NFIA: variants seen among roughly 807,000 people sequenced by gnomAD.
NFIA encodes nuclear factor I A, also known as nuclear factor 1 A-type.
In NFIA, 8 loss-of-function variants were observed where a neutral mutation model predicts 62.8. The observed-to-expected ratio is 0.13, with a 90% confidence interval of 0.07 to 0.23. NFIA has a LOEUF of 0.23. Among genes scored for constraint, NFIA ranks in the 10% least tolerant of loss-of-function variants. NFIA has a pLI of 1.00. For synonymous variants in NFIA, 235 were observed against 238.1 expected (o/e 0.99, Z 0.12); for missense variants, 410 against 642.1 (o/e 0.64, Z 3.91).
chr1:61,103,023 G>C (rs924609510), intron 2 of NFIA, among the ~76,000 whole-genome samples: 5 of 152,212 alleles, frequency 3.3e-5, no homozygotes, highest in African/African-American at 1.2e-4. Flanking sequence ...GTTCTTATTT[G>C]TAATCAAAAC....
intron 2 of NFIA, among the ~76,000 whole-genome samples, chr1:61,212,947 G>A (rs781476708): frequency 2.0e-5 from 3 of 152,168 alleles, no homozygotes; most frequent in Non-Finnish European, 4.4e-5. Flanking sequence ...CTGTGGCCTG[G>A]TCACCATTAG....
At chr1:61,170,494 T>C (rs1649878906) in intron 2 of NFIA, among the ~76,000 whole-genome samples, 1 of 152,170 alleles carries the variant, frequency 6.6e-6, no homozygotes. Flanking sequence ...TGGGAGGTGC[T>C]CACAGTCGAG....
intron 2 of NFIA, among the ~76,000 whole-genome samples, chr1:61,139,146 C>G (rs1647313745): frequency 6.6e-6 from 1 of 152,142 alleles, no homozygotes; most frequent in Non-Finnish European, 1.5e-5. Context: ...TCACTGCACT[C>G]CAGCCTGGGC....
intron 2 of NFIA, among the ~76,000 whole-genome samples, chr1:61,187,787 G>A (rs1330512546): frequency 6.6e-6 from 1 of 152,186 alleles, no homozygotes; most frequent in African/African-American, 2.4e-5. Flanking sequence ...ACTGTTTAAA[G>A]TCCTGTCCCT....
chr1:61,112,172 G>A (rs1646705234), intron 2 of NFIA, among the ~76,000 whole-genome samples: 1 of 150,844 alleles, frequency 6.6e-6, no homozygotes, highest in African/African-American at 2.4e-5. Context: ...GGCAGCTTAA[G>A]TATGTCTTTA....
chr1:61,176,103 T>C (rs1193598262), intron 2 of NFIA, among the ~76,000 whole-genome samples: 2 of 152,146 alleles, frequency 1.3e-5, no homozygotes, highest in Non-Finnish European at 2.9e-5. Flanking sequence ...GAACAGGGTG[T>C]GTTCCAGCAG....
intron 2 of NFIA, among the ~76,000 whole-genome samples, chr1:61,126,741 T>A (rs1211535547): frequency 2.0e-5 from 3 of 150,998 alleles, no homozygotes; most frequent in Non-Finnish European, 4.4e-5. Flanking sequence ...TATGTGAATT[T>A]TTCTGGAAAA....
intron 3 of NFIA, among the ~76,000 whole-genome samples, chr1:61,316,272 T>G (rs879451473): frequency 2.0e-5 from 3 of 152,142 alleles, no homozygotes; most frequent in Non-Finnish European, 4.4e-5. Context: ...AAGGGGCATT[T>G]CAAAAGAATT....
intron 2 of NFIA, among the ~76,000 whole-genome samples, chr1:61,238,931 A>G (rs1655165577): frequency 6.6e-6 from 1 of 152,142 alleles, no homozygotes. Context: ...CAATTTTTAT[A>G]CCATTTAGTT....
chr1:61,273,926 GT>G (rs1377597249), intron 2 of NFIA, among the ~76,000 whole-genome samples: 1 of 152,142 alleles, frequency 6.6e-6, no homozygotes, highest in Non-Finnish European at 1.5e-5. Context: ...ATACTAACAT[GT>G]TTTTGTCATT....
intron 2 of NFIA, among the ~76,000 whole-genome samples, chr1:61,106,540 G>A (rs1174924461): frequency 1.3e-5 from 2 of 151,738 alleles, no homozygotes; most frequent in East Asian, 1.9e-4. Context: ...GATCGTGTTA[G>A]TAAAATAATT....
At position 61,411,569 on chromosome 1, in the gene NFIA, C is replaced by G. The variant is rs116774651; in HGVS notation, c.1420+4842C>G. Among the ~76,000 whole-genome samples, 663 of 152,084 alleles carry G rather than the reference C, an allele frequency of 4.4e-3. 8 individuals are homozygous for G. The highest frequency in any genetic ancestry group is 0.015 in the African/African-American group (633 of 41,492). On this transcript the variant is annotated intron_variant, in intron 9 of 10. Transcript: ENST00000403491. Reference sequence around the variant, plus strand: ...TTGAGCATCAGCTGTGTGCCAAGCACTCTTCTTGGTGCTAGGATTCAGCAG... The same window carrying G: ...TTGAGCATCAGCTGTGTGCCAAGCAGTCTTCTTGGTGCTAGGATTCAGCAG...
At chr1:61,416,064 G>A (rs1389003751) in intron 9 of NFIA, among the ~76,000 whole-genome samples, 1 of 152,098 alleles carries the variant, frequency 6.6e-6, no homozygotes, top group African/African-American at 2.4e-5. Flanking sequence ...TAAGAAATAT[G>A]TATGGAATGC....
Position 61,460,053 on chromosome 1 carries a change from A to C in NFIA, c.*4733A>C, listed in dbSNP as rs1055586442. 1.3e-5 allele frequency: 2 copies of C among 152,148 alleles called. No homozygotes were observed. 9.4% of individuals were successfully genotyped at this position (152,148 alleles called of 1,614,324 possible). On this transcript the variant is annotated 3_prime_UTR_variant, in exon 11 of 11. Transcript: ENST00000403491. Reference sequence around the variant, plus strand: ...ACCATAGTAATGTAAGGAGAGCTTCAGTGGCACCTCAAAACCCACCCTTCG... The same window carrying C: ...ACCATAGTAATGTAAGGAGAGCTTCCGTGGCACCTCAAAACCCACCCTTCG...
At chr1:61,161,586 A>AAC (rs56383204) in intron 2 of NFIA, among the ~76,000 whole-genome samples, 2,035 of 149,444 alleles carry the variant, frequency 0.014, 26 homozygotes, top group South Asian at 0.049. Flanking sequence ...CGCCATGTGC[A>AAC]ACACACACAC....
chr1:61,222,385 TCTC>T (rs958227021), intron 2 of NFIA, among the ~76,000 whole-genome samples: 1 of 152,124 alleles, frequency 6.6e-6, no homozygotes, highest in Non-Finnish European at 1.5e-5. Flanking sequence ...CCTTGCCTTT[TCTC>T]CTCATTAGCA....
chr1:61,359,494 G>GT (rs1663167100), intron 6 of NFIA, among the ~76,000 whole-genome samples: 1 of 152,204 alleles, frequency 6.6e-6, no homozygotes, highest in African/African-American at 2.4e-5. Flanking sequence ...GTGAGATGGT[G>GT]TATGATTTTC....
chr1:61,426,657 T>A lies in NFIA; in HGVS notation c.1512+101T>A, dbSNP rs186073100. ...ACAAAAGGCCACATTTTCCAGACCC[T>A]GTCCAGTCTTCCCTTTCCTCCTGAT... is the stretch of plus-strand genomic sequence containing the variant. On this transcript the variant is annotated intron_variant, in intron 10 of 10. Transcript: ENST00000403491. The A allele has an allele frequency of 3.4e-3, 2,903 of 854,768 alleles. 25 individuals carry two copies. The highest frequency in any genetic ancestry group is 2.2e-3 in the Non-Finnish European group (1,158 of 526,462). 52.9% of individuals were successfully genotyped at this position (854,768 alleles called of 1,614,324 possible).
chr1:61,244,044 A>T (rs976685440), intron 2 of NFIA, among the ~76,000 whole-genome samples: 1 of 152,192 alleles, frequency 6.6e-6, no homozygotes, highest in African/African-American at 2.4e-5. Flanking sequence ...ATACACGTGT[A>T]ATTAGTACAT....
Sources: allele counts gnomAD v4.1 joint callset (sites outside exome capture counted in the v4.1 genomes callset), GRCh38; gene constraint gnomAD v4.1.1; transcripts MANE v1.5; gene names NCBI Gene and HGNC (gene_info 2026-07-23, HGNC 2026-07-21).